The following RNF180 variants were observed in gnomAD, a reference collection of about 807,000 sequenced individuals.
The protein encoded by RNF180 is E3 ubiquitin-protein ligase RNF180.
RNF180 carries 38 observed loss-of-function variants against 59.2 expected under a neutral mutation model. The ratio of observed to expected loss-of-function variants is 0.64; its 90% CI spans 0.50 to 0.84. The LOEUF (loss-of-function observed/expected upper bound fraction) is 0.84. Ranked by LOEUF, RNF180 falls within the 40% of genes least tolerant of loss-of-function variation. The pLI, the probability that RNF180 is intolerant of heterozygous loss-of-function variation, is 0.00. For missense variants in RNF180, 705 were observed against 700.9 expected (o/e 1.01, Z -0.07); for synonymous variants, 262 against 240.3 (o/e 1.09, Z -0.84).
chr5:64,237,460 T>C (rs1407520202), intron 5 of RNF180, among the ~76,000 whole-genome samples: 1 of 152,162 alleles, frequency 6.6e-6, no homozygotes, highest in Non-Finnish European at 1.5e-5. Flanking sequence ...AAACTTGTTT[T>C]TGATTTTATA....
Position 64,224,062 on chromosome 5 carries a change from GGTGTGTGTGTGTGTGTGTGTGT to G in RNF180, c.1227+6687_1227+6708del, listed in dbSNP as rs10694125. Among the ~76,000 whole-genome samples the G allele has an allele frequency of 2.8e-5, 4 of 141,462 alleles. No individual in the cohort carries two copies. The Middle Eastern group carries it at 0.011, about 384-fold the overall frequency. The allele number at this position is 141,462 out of a possible 152,430, so 92.8% of individuals were successfully genotyped here. On this transcript the variant is annotated intron_variant, in intron 5 of 7. Coordinates refer to ENST00000389100, the MANE Select transcript of RNF180 (RefSeq NM_001113561.2). ...ATTTTCTTCAGTTGATCTAGGTTGG[GGTGTGTGTGTGTGTGTGTGTGT>G]GTGTGTGTGTGTGTGTGTGTACATA...
At chr5:64,280,269 G>T (rs1195615847) in intron 5 of RNF180, among the ~76,000 whole-genome samples, 3 of 152,088 alleles carry the variant, frequency 2.0e-5, no homozygotes, top group African/African-American at 7.2e-5. Context: ...TAGATTGTCT[G>T]ATTAGTCTAT....
chr5:64,231,546 G>A (rs901783873), intron 5 of RNF180, among the ~76,000 whole-genome samples: 7 of 152,142 alleles, frequency 4.6e-5, no homozygotes, highest in African/African-American at 1.7e-4. Flanking sequence ...GCTCTCTTTC[G>A]GTTAATTCGT....
In RNF180 at chr5:64,217,552, A is replaced by G. The variant is rs1752699135; in HGVS notation, c.1227+156A>G. 10 of 1,171,942 alleles carry G rather than the reference A, an allele frequency of 8.5e-6. No individual in the cohort carries two copies. The South Asian group carries it at 3.1e-4, about 37-fold the overall frequency. The allele number at this position is 1,171,942 out of a possible 1,614,324, so 72.6% of individuals were successfully genotyped here. The stretch of plus-strand genomic sequence containing the variant: ...GTTTTAAAATTTTAGTCATTCAAAT[A>G]CATAGACAGTTGTATCACATCATGA... On this transcript the variant is annotated intron_variant, in intron 5 of 7. Transcript: ENST00000389100.
intron 5 of RNF180, among the ~76,000 whole-genome samples, chr5:64,306,091 A>T (rs774014645): frequency 6.6e-6 from 1 of 151,684 alleles, no homozygotes; most frequent in Non-Finnish European, 1.5e-5. Flanking sequence ...TCACAGCTGT[A>T]TTGTATTTTT....
At chr5:64,254,736 C>G (rs1200475371) in intron 5 of RNF180, among the ~76,000 whole-genome samples, 1 of 152,116 alleles carries the variant, frequency 6.6e-6, no homozygotes, top group African/African-American at 2.4e-5. Context: ...CTTATTCTAT[C>G]TTTGCATAAA....
chr5:64,332,494 C>T (rs1744950203), intron 7 of RNF180, among the ~76,000 whole-genome samples: 1 of 152,184 alleles, frequency 6.6e-6, no homozygotes, highest in Non-Finnish European at 1.5e-5. Flanking sequence ...CATAGGATCT[C>T]TGTTTTGATC....
chr5:64,250,863 C>G (rs1000620168), intron 5 of RNF180, among the ~76,000 whole-genome samples: 2 of 152,104 alleles, frequency 1.3e-5, no homozygotes, highest in Admixed American at 6.6e-5. Flanking sequence ...TATAATGCCA[C>G]AATCACCCTG....
chr5:64,294,203 G>A (rs189341837), intron 5 of RNF180, among the ~76,000 whole-genome samples: 1 of 152,122 alleles, frequency 6.6e-6, no homozygotes, highest in Non-Finnish European at 1.5e-5. Context: ...TAATTGGATT[G>A]TTTATAACTC....
At position 64,369,674 on chromosome 5, in the gene RNF180, A is replaced by G. The variant is rs1345953322; in HGVS notation, c.1639A>G (p.Met547Val). Residue 547 changes from methionine to valine, a missense_variant, in exon 8 of 8, where the codon ATG becomes GTG. Transcript: ENST00000389100. ...RRQFPHGAHR[M>V]DYLHFEDDSR... The stretch of plus-strand genomic sequence containing the variant: ...GCAGTTCCCACACGGTGCACACAGG[A>G]TGGATTACCTGCACTTTGAGGATGA... 1 of 1,546,968 alleles carries G rather than the reference A, an allele frequency of 6.5e-7. No homozygotes were observed. The highest frequency in any genetic ancestry group is 1.2e-5 in the South Asian group (1 of 83,480).
chr5:64,182,050 G>A (rs553397062), intron 1 of RNF180, among the ~76,000 whole-genome samples: 2 of 142,608 alleles, frequency 1.4e-5, no homozygotes, highest in Admixed American at 1.4e-4. Context: ...GGAGTGCAGT[G>A]GCACATCTTA....
intron 3 of RNF180, 111 bp downstream of exon 3, chr5:64,212,271 C>A: frequency 1.5e-6 from 1 of 664,036 alleles, no homozygotes; most frequent in Admixed American, 2.4e-5. Flanking sequence ...CCTCTTACTG[C>A]TCCTCACTCC....
intron 3 of RNF180, among the ~76,000 whole-genome samples, chr5:64,212,797 T>C (rs2055134): frequency 0.023 from 3,560 of 152,232 alleles, 126 homozygotes; most frequent in African/African-American, 0.075. Context: ...TCTTAGAAAA[T>C]TATAAGTAGT....
At chr5:64,170,883 C>T (rs1749900422) in intron 1 of RNF180, among the ~76,000 whole-genome samples, 1 of 152,100 alleles carries the variant, frequency 6.6e-6, no homozygotes, top group Non-Finnish European at 1.5e-5. Context: ...GAAGACATTT[C>T]GAGAACACCC....
chr5:64,319,421 G>A (rs1404241187), intron 5 of RNF180, among the ~76,000 whole-genome samples: 1 of 152,022 alleles, frequency 6.6e-6, no homozygotes, highest in Non-Finnish European at 1.5e-5. Context: ...TGATTATTGT[G>A]ATATGCAGTG....
At chr5:64,213,089 A>G (rs17796827) in intron 3 of RNF180, among the ~76,000 whole-genome samples, 1,856 of 152,328 alleles carry the variant, frequency 0.012, 34 homozygotes, top group South Asian at 0.017. Context: ...TTTTGGTTGT[A>G]TGTAAAAAGC....
At chr5:64,222,719 A>T (rs916545552) in intron 5 of RNF180, among the ~76,000 whole-genome samples, 1 of 152,204 alleles carries the variant, frequency 6.6e-6, no homozygotes, top group African/African-American at 2.4e-5. Flanking sequence ...ACAGTGAGTC[A>T]CTATTATCAA....
At chr5:64,250,499 A>G (rs1009361108) in intron 5 of RNF180, among the ~76,000 whole-genome samples, 2 of 152,104 alleles carry the variant, frequency 1.3e-5, no homozygotes, top group Admixed American at 1.3e-4. Flanking sequence ...TTTTAAAGAG[A>G]AAATCAACAA....
chr5:64,255,675 G>A (rs868710894), intron 5 of RNF180, among the ~76,000 whole-genome samples: 62 of 151,736 alleles, frequency 4.1e-4, no homozygotes, highest in Admixed American at 1.4e-3. Flanking sequence ...TGCATGTGTC[G>A]TTATAGCAGC....
Sources: allele counts gnomAD v4.1 joint callset (sites outside exome capture counted in the v4.1 genomes callset), GRCh38; gene constraint gnomAD v4.1.1; transcripts MANE v1.5; gene names NCBI Gene and HGNC (gene_info 2026-07-23, HGNC 2026-07-21).